ZNRF3: variants seen among roughly 807,000 people sequenced by gnomAD.
The protein encoded by ZNRF3 is E3 ubiquitin-protein ligase ZNRF3.
A neutral mutation model predicts 72.5 loss-of-function variants in ZNRF3; 23 were observed. The observed-to-expected ratio is 0.32, with a 90% CI of 0.23 to 0.45. The LOEUF (loss-of-function observed/expected upper bound fraction) is 0.45, where lower values mean the gene tolerates loss of function less well. Among genes scored for constraint, ZNRF3 ranks in the 20% least tolerant of loss-of-function variants. ZNRF3 has a pLI of 1.00. For missense variants in ZNRF3, 1,169 were observed against 1,272.1 expected, an observed-to-expected ratio of 0.92 and a Z score of 1.23; for synonymous variants, 610 against 545.3, an observed-to-expected ratio of 1.12 and a Z score of -1.65.
At chr22:29,042,640 G>A in intron 3 of ZNRF3, 71 bp downstream of exon 3, 1 of 1,393,750 alleles carries the variant, frequency 7.2e-7, no homozygotes, top group Non-Finnish European at 1.0e-6. Context: ...AGCTTGGCTT[G>A]TCCCGGTCAT....
chr22:28,972,605 T>C (rs891014583), intron 1 of ZNRF3, among the ~76,000 whole-genome samples: 5 of 152,256 alleles, frequency 3.3e-5, no homozygotes, highest in Admixed American at 6.5e-5. Flanking sequence ...ATGTTTTCTT[T>C]TCTCTTGGGT....
chr22:28,894,585 C>G (rs1000844859), intron 1 of ZNRF3, among the ~76,000 whole-genome samples: 2 of 152,154 alleles, frequency 1.3e-5, no homozygotes, highest in African/African-American at 4.8e-5. Flanking sequence ...AGATTGTTGC[C>G]CAGGAGGGTG....
At chr22:28,978,904 A>G (rs1242834029) in intron 1 of ZNRF3, among the ~76,000 whole-genome samples, 2 of 152,122 alleles carry the variant, frequency 1.3e-5, no homozygotes, top group African/African-American at 4.8e-5. Flanking sequence ...CAATGTAGTT[A>G]TATCACATAG....
intron 2 of ZNRF3, among the ~76,000 whole-genome samples, chr22:29,003,341 T>C (rs149058375): frequency 0.02 from 2,981 of 151,752 alleles, 39 homozygotes; most frequent in African/African-American, 0.036. Context: ...ACGATGAAAC[T>C]CCATCTCTAC....
intron 2 of ZNRF3, among the ~76,000 whole-genome samples, chr22:29,021,693 G>A (rs974402406): frequency 6.6e-6 from 1 of 151,886 alleles, no homozygotes; most frequent in Non-Finnish European, 1.5e-5. Flanking sequence ...TCACCATGTT[G>A]GCTAGGCTGG....
intron 2 of ZNRF3, among the ~76,000 whole-genome samples, chr22:28,988,362 G>A (rs537075133): frequency 1.8e-4 from 28 of 152,286 alleles, no homozygotes; most frequent in African/African-American, 6.3e-4. Flanking sequence ...GCTAGAGAGG[G>A]AAGACTTTCC....
In ZNRF3 at chr22:28,883,604, C is replaced by A. The variant is rs1014268568; in HGVS notation, c.-163C>A. The A allele has an allele frequency of 1.5e-5, 10 of 686,914 alleles. No individual in the cohort carries two copies. In the African/African-American group the frequency reaches 2.0e-4, roughly 13 times the overall value. The allele number at this position is 686,914 out of a possible 1,614,324, so 42.6% of individuals were successfully genotyped here. A position where few individuals can be genotyped will look rare whatever the true frequency, so the allele number is the denominator to read the frequency against. On this transcript the variant is annotated 5_prime_UTR_variant, in exon 1 of 9. Coordinates refer to ENST00000544604, the MANE Select transcript of ZNRF3 (RefSeq NM_001206998.2). The surrounding 1 kb of genome is among the most constrained non-coding windows in gnomAD (Gnocchi z 5.5). ...CCTCACGTGGAGCAGATGAAAGGGCCGCGGCGCGACGGCCGGGGGAGCCGA... is the reference window on the plus strand; with the variant it reads ...CCTCACGTGGAGCAGATGAAAGGGCAGCGGCGCGACGGCCGGGGGAGCCGA...
chr22:28,891,134 C>A (rs184324669), intron 1 of ZNRF3, among the ~76,000 whole-genome samples: 2 of 152,246 alleles, frequency 1.3e-5, no homozygotes, highest in African/African-American at 4.8e-5. Context: ...AGTAAATCTT[C>A]ATAATCAAAA....
intron 1 of ZNRF3, among the ~76,000 whole-genome samples, chr22:28,887,408 C>CAG (rs139449685): frequency 2.0e-4 from 30 of 150,024 alleles, no homozygotes; most frequent in East Asian, 7.8e-4. Context: ...TTGTCAGTGT[C>CAG]AGAGAGAGAG....
intron 1 of ZNRF3, among the ~76,000 whole-genome samples, chr22:28,929,363 T>A (rs1283911243): frequency 6.6e-6 from 1 of 152,202 alleles, no homozygotes; most frequent in East Asian, 1.9e-4. Context: ...TTGTGGCTCC[T>A]GTCCTGTGCG....
In ZNRF3 at chr22:28,969,029, A is replaced by G. The variant is rs146591901; in HGVS notation, c.301-18047A>G. Among the ~76,000 whole-genome samples, 564 of 152,298 alleles carry G rather than the reference A, an allele frequency of 3.7e-3. 3 individuals are homozygous for G. Among genetic ancestry groups the G allele is most frequent in the African/African-American group, 0.013 (522 of 41,550 alleles). ...TCATACCTCCATGTGGTCTTGGCCC[A>G]CATGCAGGCTGTAGATTGTACATGC... On this transcript the variant is annotated intron_variant, in intron 1 of 8. Coordinates refer to ENST00000544604, the MANE Select transcript of ZNRF3 (RefSeq NM_001206998.2).
rs182029144 is a variant in ZNRF3 at position 28,975,416 on chromosome 22, C to G, written c.301-11660C>G. Among the ~76,000 whole-genome samples the G allele has an allele frequency of 2.7e-5, 4 of 149,132 alleles. No individual in the cohort carries two copies. The Admixed American group carries it at 2.7e-4, about 10-fold the overall frequency. ...ACTCGGGGGGCTGAGGCAGGAGAATCACTTGAACCAGGGAGGTGGAGGTTG... is the reference window on the plus strand; with the variant it reads ...ACTCGGGGGGCTGAGGCAGGAGAATGACTTGAACCAGGGAGGTGGAGGTTG... On this transcript the variant is annotated intron_variant, in intron 1 of 8. Coordinates refer to ENST00000544604, the MANE Select transcript of ZNRF3 (RefSeq NM_001206998.2).
intron 1 of ZNRF3, among the ~76,000 whole-genome samples, chr22:28,973,312 G>A (rs1251440389): frequency 1.3e-5 from 2 of 152,098 alleles, no homozygotes; most frequent in Non-Finnish European, 2.9e-5. Flanking sequence ...ATCCTTTATA[G>A]CACAAAAGTT....
chr22:28,918,147 C>G (rs1161825300), intron 1 of ZNRF3, among the ~76,000 whole-genome samples: 1 of 152,164 alleles, frequency 6.6e-6, no homozygotes, highest in Non-Finnish European at 1.5e-5. Flanking sequence ...TGTGGGGACT[C>G]AAATGCCCAA....
chr22:29,048,302 C>G lies in ZNRF3; in HGVS notation c.913-87C>G. 9.1e-7 allele frequency: 1 copy of G among 1,093,212 alleles called. No homozygotes were observed. The highest frequency in any genetic ancestry group is 1.4e-6 in the Non-Finnish European group (1 of 732,296). 67.7% of individuals were successfully genotyped at this position (1,093,212 alleles called of 1,614,324 possible). A position where few individuals can be genotyped will look rare whatever the true frequency, so the allele number is the denominator to read the frequency against. On this transcript the variant is annotated intron_variant, in intron 6 of 8. Transcript: ENST00000544604. The surrounding 1 kb of genome is among the most constrained non-coding windows in gnomAD (Gnocchi z 4.9). ...TAGGGAAGGGCACGGGCATGCTGTG[C>G]AGAACTCCTTGGTCTATGCTGGACT...
chr22:29,000,013 G>A (rs555795915), intron 2 of ZNRF3, among the ~76,000 whole-genome samples: 4 of 152,126 alleles, frequency 2.6e-5, no homozygotes, highest in Admixed American at 6.5e-5. Context: ...AAGGTACAGG[G>A]GACCATTCTG....
At chr22:29,012,459 C>A (rs372862690) in intron 2 of ZNRF3, among the ~76,000 whole-genome samples, 9 of 152,214 alleles carry the variant, frequency 5.9e-5, no homozygotes, top group African/African-American at 2.2e-4. Context: ...TCAAGGTCTT[C>A]GAACTGATGA....
intron 1 of ZNRF3, among the ~76,000 whole-genome samples, chr22:28,908,017 A>G (rs749044135): frequency 1.3e-4 from 20 of 152,244 alleles, no homozygotes; most frequent in Admixed American, 4.6e-4. Flanking sequence ...CTTTTGGATC[A>G]TGAAAATAAT....
At chr22:28,999,869 A>G (rs2036113995) in intron 2 of ZNRF3, among the ~76,000 whole-genome samples, 1 of 152,238 alleles carries the variant, frequency 6.6e-6, no homozygotes, top group Admixed American at 6.5e-5. Flanking sequence ...CACTGAATGT[A>G]GAGACAGAAG....
Sources: gnomAD v4.1 joint callset for allele counts (sites outside exome capture counted in the v4.1 genomes callset) on GRCh38, gnomAD v4.1.1 for gene constraint, Gnocchi (gnomAD v3.1) non-coding constraint, MANE v1.5 for transcripts, NCBI Gene and HGNC (gene_info 2026-07-23, HGNC 2026-07-21) for gene names.